The following ZNRF3 variants were observed in gnomAD, a reference collection of about 807,000 sequenced individuals.
ZNRF3 encodes E3 ubiquitin-protein ligase ZNRF3.
A neutral mutation model predicts 72.5 loss-of-function variants in ZNRF3; 23 were observed. That is an observed-to-expected ratio of 0.32 (90% CI 0.23 to 0.45). ZNRF3 has a LOEUF of 0.45. Among genes scored for constraint, ZNRF3 ranks in the 20% least tolerant of loss-of-function variants. ZNRF3 has a pLI of 1.00. For missense variants in ZNRF3, 1,169 were observed against 1,272.1 expected, an observed-to-expected ratio of 0.92 and a Z score of 1.23; for synonymous variants, 610 against 545.3, an observed-to-expected ratio of 1.12 and a Z score of -1.65.
intron 1 of ZNRF3, among the ~76,000 whole-genome samples, chr22:28,965,115 C>T (rs1264738618): frequency 6.6e-6 from 1 of 152,130 alleles, no homozygotes; most frequent in Non-Finnish European, 1.5e-5. Context: ...AGCTTTAGAC[C>T]CATGCAGACC....
intron 1 of ZNRF3, among the ~76,000 whole-genome samples, chr22:28,957,187 A>G (rs559665606): frequency 8.5e-5 from 13 of 152,298 alleles, no homozygotes; most frequent in African/African-American, 2.6e-4. Context: ...GTCTTTGTCA[A>G]GGGCTTTTGT....
rs1569298738 is a variant in ZNRF3 at position 29,050,892 on chromosome 22, TCCCTAG to T, written c.2712_2717del (p.Pro905_Ser906del). On this transcript the variant is annotated inframe_deletion, in exon 8 of 9. Transcript: ENST00000544604. ...GAGGCGGGTGCTGTCAGGGCCAACT[TCCCTAG>T]TGCCCTCCAGGACACTCAGGAGTCC... 3 of 1,577,898 alleles carry T rather than the reference TCCCTAG, an allele frequency of 1.9e-6. No individual in the cohort carries two copies. The highest frequency in any genetic ancestry group is 2.6e-6 in the Non-Finnish European group (3 of 1,169,174).
intron 2 of ZNRF3, among the ~76,000 whole-genome samples, chr22:29,021,051 C>A (rs1977047): frequency 6.6e-6 from 1 of 151,622 alleles, no homozygotes; most frequent in Non-Finnish European, 1.5e-5. Flanking sequence ...CCACCTCGGC[C>A]TTCCAAAGTG....
At chr22:28,986,037 G>A (rs1326752204) in intron 1 of ZNRF3, among the ~76,000 whole-genome samples, 1 of 152,142 alleles carries the variant, frequency 6.6e-6, no homozygotes, top group Non-Finnish European at 1.5e-5. Context: ...TCTTTCTCAT[G>A]CTTCCCTGCT....
chr22:29,040,483 C>A (rs1477799954), intron 2 of ZNRF3, among the ~76,000 whole-genome samples: 2 of 151,996 alleles, frequency 1.3e-5, no homozygotes, highest in Non-Finnish European at 2.9e-5. Context: ...GCCCAGCCAT[C>A]CCCCACCGCC....
chr22:28,939,771 A>G (rs2034908898), intron 1 of ZNRF3, among the ~76,000 whole-genome samples: 1 of 152,194 alleles, frequency 6.6e-6, no homozygotes, highest in South Asian at 2.1e-4. Flanking sequence ...GAAAGGGTTC[A>G]CATCCTACAC....
chr22:28,897,308 TTTTC>T (rs1215167185), intron 1 of ZNRF3, among the ~76,000 whole-genome samples: 2 of 152,290 alleles, frequency 1.3e-5, no homozygotes, highest in South Asian at 2.1e-4. Flanking sequence ...CTCTCAGTGC[TTTTC>T]TTTCTTTTTT....
intron 1 of ZNRF3, among the ~76,000 whole-genome samples, chr22:28,945,377 C>T (rs2035034962): frequency 6.6e-6 from 1 of 151,860 alleles, no homozygotes; most frequent in South Asian, 2.1e-4. Flanking sequence ...GAATATTAAG[C>T]AATGTGTCAT....
chr22:28,940,773 GAGA>G (rs2034930868), intron 1 of ZNRF3, among the ~76,000 whole-genome samples: 2 of 152,262 alleles, frequency 1.3e-5, no homozygotes, highest in East Asian at 3.9e-4. Flanking sequence ...AACTGTAAAA[GAGA>G]CGAACCAGTA....
chr22:28,956,710 G>A (rs1003071754), intron 1 of ZNRF3, among the ~76,000 whole-genome samples: 2 of 152,188 alleles, frequency 1.3e-5, no homozygotes, highest in African/African-American at 2.4e-5. Context: ...GACTTCATCT[G>A]CAAGAGAGCT....
intron 1 of ZNRF3, among the ~76,000 whole-genome samples, chr22:28,891,496 A>G (rs776268135): frequency 6.6e-6 from 1 of 152,278 alleles, no homozygotes; most frequent in Non-Finnish European, 1.5e-5. Flanking sequence ...TCAAGTGCTT[A>G]TTGTGTGCCA....
chr22:29,038,042 A>G (rs1389140390), intron 2 of ZNRF3, among the ~76,000 whole-genome samples: 1 of 152,114 alleles, frequency 6.6e-6, no homozygotes, highest in Non-Finnish European at 1.5e-5. Flanking sequence ...CTTTCATCCA[A>G]CCATATCCAC....
At chr22:29,013,925 C>G (rs1408454513) in intron 2 of ZNRF3, among the ~76,000 whole-genome samples, 1 of 152,252 alleles carries the variant, frequency 6.6e-6, no homozygotes, top group African/African-American at 2.4e-5. Context: ...AATGCTCTAA[C>G]ATAAGCAACC....
At chr22:28,898,926 G>GTTTTTTTTTTTTTTTT (rs34713478) in intron 1 of ZNRF3, among the ~76,000 whole-genome samples, 1 of 114,066 alleles carries the variant, frequency 8.8e-6, no homozygotes, top group Non-Finnish European at 1.8e-5. Flanking sequence ...ACATGCTGAG[G>GTTTTTTTTTTTTTTTT]TTTTTTTTTT....
chr22:28,988,350 G>A (rs2035892638), intron 2 of ZNRF3, among the ~76,000 whole-genome samples: 1 of 152,150 alleles, frequency 6.6e-6, no homozygotes, highest in African/African-American at 2.4e-5. Context: ...TTGAAGCAGG[G>A]TGCTAGAGAG....
At chr22:29,017,300 G>GC (rs2036454137) in intron 2 of ZNRF3, among the ~76,000 whole-genome samples, 2 of 152,186 alleles carry the variant, frequency 1.3e-5, no homozygotes, top group Non-Finnish European at 2.9e-5. Flanking sequence ...CCTAGAAGTT[G>GC]CCCCCATCAG....
At chr22:29,011,708 T>A (rs749747501) in intron 2 of ZNRF3, among the ~76,000 whole-genome samples, 1 of 152,244 alleles carries the variant, frequency 6.6e-6, no homozygotes, top group Non-Finnish European at 1.5e-5. Flanking sequence ...CAAAGGAGCC[T>A]GAACCGAGGA....
intron 2 of ZNRF3, among the ~76,000 whole-genome samples, chr22:29,038,368 G>A (rs1013811838): frequency 6.7e-5 from 10 of 148,346 alleles, no homozygotes; most frequent in Non-Finnish European, 1.5e-4. Context: ...ACAGGGTCTC[G>A]CCCTGTCGCC....
Position 29,039,251 on chromosome 22 carries a change from G to A in ZNRF3, c.427-3244G>A, listed in dbSNP as rs529617992. On this transcript the variant is annotated intron_variant, in intron 2 of 8. Transcript: ENST00000544604. ...GAAGCCTGAACTTTAAGAAGGCCAC[G>A]TGGCTAAATGGCTTCCCTGAGGCAT... is the stretch of plus-strand genomic sequence containing the variant. 7.2e-5 allele frequency among the ~76,000 whole-genome samples: 11 copies of A among 152,284 alleles called. No homozygotes were observed. In the East Asian group the frequency reaches 1.9e-3, roughly 27 times the overall value.
Sources: allele counts gnomAD v4.1 joint callset (sites outside exome capture counted in the v4.1 genomes callset), GRCh38; gene constraint gnomAD v4.1.1; transcripts MANE v1.5; gene names NCBI Gene and HGNC (gene_info 2026-07-23, HGNC 2026-07-21).